Variants in HDAC4 observed in about 807,000 individuals in gnomAD.
The protein encoded by HDAC4 is histone deacetylase 4.
HDAC4 carries 16 observed loss-of-function variants against 135.1 expected under a neutral mutation model. The ratio of observed to expected loss-of-function variants is 0.12; its 90% CI spans 0.08 to 0.18. The LOEUF is 0.18. Among genes scored for constraint, HDAC4 ranks in the 10% least tolerant of loss-of-function variants. The pLI is 1.00. For synonymous variants in HDAC4, 685 were observed against 653.4 expected (o/e 1.05, Z -0.74); for missense variants, 1,143 against 1,511.8 (o/e 0.76, Z 4.05).
In HDAC4 at chr2:239,371,636, T is replaced by C. The variant is rs114433515; in HGVS notation, c.-219-18718A>G. On this transcript the variant is annotated intron_variant, in intron 1 of 26. Transcript: ENST00000543185. Reference sequence around the variant, plus strand: ...ATTCACACTCACAAATACACTCATATAACCTCAAACACACATACGCACGGA... The same window carrying C: ...ATTCACACTCACAAATACACTCATACAACCTCAAACACACATACGCACGGA... 6.8e-3 allele frequency among the ~76,000 whole-genome samples: 1,032 copies of C among 152,178 alleles called. 15 individuals are homozygous for C. The highest frequency in any genetic ancestry group is 0.024 in the African/African-American group (979 of 41,524).
intron 24 of HDAC4, chr2:239,055,466 C>T (rs1263825090): frequency 6.3e-6 from 1 of 159,512 alleles, no homozygotes; most frequent in Admixed American, 6.0e-5. Context: ...CCTGTAATCC[C>T]AGTACTTTGG....
intron 3 of HDAC4, among the ~76,000 whole-genome samples, chr2:239,204,543 C>T (rs1345619358): frequency 1.3e-5 from 2 of 152,216 alleles, no homozygotes; most frequent in Admixed American, 1.3e-4. Context: ...CCGGCCCTTA[C>T]AGTCTGCCAT....
chr2:239,255,137 A>T (rs933850199), intron 2 of HDAC4, among the ~76,000 whole-genome samples: 3 of 152,236 alleles, frequency 2.0e-5, no homozygotes, highest in Non-Finnish European at 4.4e-5. Flanking sequence ...TGTCAGAAGG[A>T]AGAAAATCAT....
intron 15 of HDAC4, among the ~76,000 whole-genome samples, chr2:239,104,794 A>G (rs940892617): frequency 6.6e-6 from 1 of 152,102 alleles, no homozygotes; most frequent in Non-Finnish European, 1.5e-5. Context: ...AATTGCAGAA[A>G]GAGAGATCTG....
chr2:239,311,600 G>C (rs1282612869), intron 2 of HDAC4, among the ~76,000 whole-genome samples: 1 of 152,324 alleles, frequency 6.6e-6, no homozygotes, highest in South Asian at 2.1e-4. Flanking sequence ...GGGTGAGGGG[G>C]AGAGGGACAC....
In HDAC4 at chr2:239,049,616, G is replaced by A. The variant is rs2030515629; in HGVS notation, c.*3481C>T. On this transcript the variant is annotated 3_prime_UTR_variant, in exon 27 of 27. Coordinates refer to ENST00000543185, the MANE Select transcript of HDAC4 (RefSeq NM_001378414.1). ...AAAAAGAAAAACAACAAAGTCCATT[G>A]CTAGTGCTGCAAAAATCAAACTTGC... is the stretch of plus-strand genomic sequence containing the variant. The A allele has an allele frequency of 6.6e-6, 1 of 152,574 alleles. No individual in the cohort carries two copies. Among genetic ancestry groups the A allele is most frequent in the African/African-American group, 2.4e-5 (1 of 41,450 alleles). 9.5% of individuals were successfully genotyped at this position (152,574 alleles called of 1,614,324 possible).
In HDAC4 at chr2:239,082,972, G is replaced by A. The variant is rs57422215; in HGVS notation, c.2533-751C>T. On this transcript the variant is annotated intron_variant, in intron 20 of 26. Coordinates refer to ENST00000543185, the MANE Select transcript of HDAC4 (RefSeq NM_001378414.1). ...CATGCAGCCCTGATGTTCCCAGCAC[G>A]AGAACTTGCTGCTCCGTTATCTGTG... 5.8e-3 allele frequency among the ~76,000 whole-genome samples: 884 copies of A among 152,358 alleles called. 12 individuals are homozygous for A. Among genetic ancestry groups the A allele is most frequent in the African/African-American group, 0.02 (841 of 41,584 alleles).
At chr2:239,181,617 T>C (rs1278252171) in intron 4 of HDAC4, among the ~76,000 whole-genome samples, 2 of 152,238 alleles carry the variant, frequency 1.3e-5, no homozygotes, top group Non-Finnish European at 2.9e-5. Context: ...AGGGCAGCGC[T>C]GGCCTCCGAA....
At chr2:239,221,041 C>T (rs778623566) in intron 3 of HDAC4, among the ~76,000 whole-genome samples, 28 of 152,314 alleles carry the variant, frequency 1.8e-4, no homozygotes, top group African/African-American at 6.0e-4. Context: ...GCTCATTCTG[C>T]GGGCGGTGGC....
chr2:239,222,771 G>T (rs534830166), intron 3 of HDAC4, among the ~76,000 whole-genome samples: 92 of 150,256 alleles, frequency 6.1e-4, no homozygotes, highest in African/African-American at 2.2e-3. Flanking sequence ...GACTGAGCAC[G>T]AATTTAAAGT....
At chr2:239,197,065 T>C (rs767215139) in intron 3 of HDAC4, among the ~76,000 whole-genome samples, 104 of 152,306 alleles carry the variant, frequency 6.8e-4, no homozygotes, top group Admixed American at 1.3e-3. Context: ...CCGCTTCCTT[T>C]GTCCCAGCCA....
At chr2:239,286,734 C>T (rs1232886953) in intron 2 of HDAC4, among the ~76,000 whole-genome samples, 1 of 139,736 alleles carries the variant, frequency 7.2e-6, no homozygotes, top group Non-Finnish European at 1.6e-5. Context: ...CAGTGAGACA[C>T]AGACAGACAA....
At chr2:239,365,662 C>A (rs2125984280) in intron 1 of HDAC4, among the ~76,000 whole-genome samples, 1 of 152,316 alleles carries the variant, frequency 6.6e-6, no homozygotes, top group South Asian at 2.1e-4. Flanking sequence ...CATGCACACA[C>A]AAGCCAGGGT....
At chr2:239,327,809 G>A (rs2053514387) in intron 2 of HDAC4, among the ~76,000 whole-genome samples, 1 of 152,196 alleles carries the variant, frequency 6.6e-6, no homozygotes, top group South Asian at 2.1e-4. Context: ...AAATTCATGG[G>A]CATGGCCAAG....
At chr2:239,365,437 G>A (rs1337555299) in intron 1 of HDAC4, among the ~76,000 whole-genome samples, 1 of 152,252 alleles carries the variant, frequency 6.6e-6, no homozygotes, top group Non-Finnish European at 1.5e-5. Flanking sequence ...CTGCTGAGCT[G>A]AGGCCACCAT....
chr2:239,397,047 G>A (rs1203218379), intron 1 of HDAC4, among the ~76,000 whole-genome samples: 6 of 152,232 alleles, frequency 3.9e-5, no homozygotes, highest in Admixed American at 2.0e-4. Context: ...TATGAAACGC[G>A]CCTGTAACAG....
chr2:239,234,281 C>T (rs2047758614), intron 3 of HDAC4, among the ~76,000 whole-genome samples: 1 of 152,200 alleles, frequency 6.6e-6, no homozygotes, highest in African/African-American at 2.4e-5. Context: ...TCCCACCACG[C>T]CCACCAACCC....
chr2:239,387,893 G>A (rs1329913807), intron 1 of HDAC4, among the ~76,000 whole-genome samples: 5 of 152,216 alleles, frequency 3.3e-5, no homozygotes, highest in Non-Finnish European at 7.3e-5. Flanking sequence ...AGTGGAAGGC[G>A]TGGGCTCAGG....
chr2:239,388,527 G>A lies in HDAC4; in HGVS notation c.-220+12451C>T, dbSNP rs80138554. Among the ~76,000 whole-genome samples, 1,352 of 152,342 alleles carry A rather than the reference G, an allele frequency of 8.9e-3. 17 individuals are homozygous for A. The highest frequency in any genetic ancestry group is 0.031 in the African/African-American group (1,304 of 41,576). The stretch of plus-strand genomic sequence containing the variant: ...GGAGCATCCTCAGATGACCAGCAGA[G>A]CCTTGGTCCTCTGGGTGACCTGGGT... On this transcript the variant is annotated intron_variant, in intron 1 of 26. Coordinates refer to ENST00000543185, the MANE Select transcript of HDAC4 (RefSeq NM_001378414.1).
Sources: gnomAD v4.1 joint callset for allele counts (sites outside exome capture counted in the v4.1 genomes callset) on GRCh38, gnomAD v4.1.1 for gene constraint, MANE v1.5 for transcripts, NCBI Gene and HGNC (gene_info 2026-07-23, HGNC 2026-07-21) for gene names.